The following MAN1B1 variants were observed in gnomAD, a reference collection of about 807,000 sequenced individuals.
MAN1B1 encodes mannosidase alpha class 1B member 1, also known as endoplasmic reticulum mannosyl-oligosaccharide 1,2-alpha-mannosidase.
MAN1B1 carries 66 observed loss-of-function variants against 75.5 expected under a neutral mutation model. That is an observed-to-expected ratio of 0.87 (90% CI 0.72 to 1.07). The LOEUF is 1.07. Among genes scored for constraint, MAN1B1 ranks in the 50% least tolerant of loss-of-function variants. MAN1B1 has a pLI of 0.00. For missense variants in MAN1B1, 973 were observed against 912.5 expected, an observed-to-expected ratio of 1.07 and a Z score of -0.85; for synonymous variants, 453 against 382.8, an observed-to-expected ratio of 1.18 and a Z score of -2.14.
intron 1 of MAN1B1, chr9:137,087,598 C>T (rs1185398967): frequency 2.1e-6 from 1 of 471,604 alleles, no homozygotes; most frequent in Non-Finnish European, 4.0e-6. Context: ...TCTTGATTGG[C>T]TCCTGGTCTG....
At position 137,107,422 on chromosome 9, in the gene MAN1B1, C is replaced by T. The variant is rs200676067; in HGVS notation, c.1739C>T (p.Pro580Leu). ...GTGCACTTCAACCTTTACCCCCAGCCGGGCCGTCGGGACGTGGAGGTCAAG... is the reference window on the plus strand; with the variant it reads ...GTGCACTTCAACCTTTACCCCCAGCTGGGCCGTCGGGACGTGGAGGTCAAG... ...EIVHFNLYPQ[P>L]GRRDVEVKPA... The change falls in exon 11 of 13, where the codon CCG becomes CTG. Residue 580 changes from proline to leucine, a missense_variant. Coordinates refer to ENST00000371589, the MANE Select transcript of MAN1B1 (RefSeq NM_016219.5). The T allele has an allele frequency of 7.9e-5, 128 of 1,613,316 alleles. No individual in the cohort carries two copies. The highest frequency in any genetic ancestry group is 1.6e-4 in the Middle Eastern group (1 of 6,084).
intron 7 of MAN1B1, 67 bp from the exon 8 acceptor site, chr9:137,101,417 A>C: frequency 6.8e-7 from 1 of 1,473,282 alleles, no homozygotes; most frequent in Non-Finnish European, 9.5e-7. Flanking sequence ...ACTGAACTGC[A>C]TGAAAGGGTG....
intron 5 of MAN1B1, among the ~76,000 whole-genome samples, chr9:137,098,977 C>A (rs1161225548): frequency 1.3e-5 from 2 of 152,272 alleles, no homozygotes; most frequent in Non-Finnish European, 1.5e-5. Flanking sequence ...TTATAGGCAC[C>A]CGCCACCACA....
At chr9:137,089,449 C>T (rs1158069440) in intron 3 of MAN1B1, among the ~76,000 whole-genome samples, 1 of 152,188 alleles carries the variant, frequency 6.6e-6, no homozygotes, top group East Asian at 1.9e-4. Flanking sequence ...AAGCTGCTGG[C>T]ACCGGGCAAG....
intron 8 of MAN1B1, chr9:137,102,611 C>T (rs1351253815): frequency 2.3e-5 from 10 of 434,134 alleles, no homozygotes; most frequent in East Asian, 7.3e-5. Flanking sequence ...CTGTTGCAAG[C>T]GTGCAGGTCG....
intron 8 of MAN1B1, chr9:137,104,225 G>A (rs11145995): frequency 0.29 from 104,766 of 365,596 alleles, 17,376 homozygotes; most frequent in Non-Finnish European, 0.36. Flanking sequence ...AGTCACACAC[G>A]ATTTGTCCTT....
At position 137,097,839 on chromosome 9, in the gene MAN1B1, C is replaced by G; in HGVS notation, c.632C>G (p.Ala211Gly). 1 of 1,554,258 alleles carries G rather than the reference C, an allele frequency of 6.4e-7. No individual in the cohort carries two copies. The highest frequency in any genetic ancestry group is 8.7e-7 in the Non-Finnish European group (1 of 1,149,034). Residue 211 changes from alanine (A) to glycine (G), a missense_variant, in exon 5 of 13, where the codon GCG becomes GGG. Ala to Gly is a moderately conservative substitution (Grantham distance 60). Transcript: ENST00000371589. ...CTTCTCCCCCGAAGCTGGAGGGGAGCGGTGATCGAGCCTGAGCAGGGCACC... is the reference window on the plus strand; with the variant it reads ...CTTCTCCCCCGAAGCTGGAGGGGAGGGGTGATCGAGCCTGAGCAGGGCACC... Reference protein sequence around the residue: ...PQRTVISWRGAVIEPEQGTEL... With the variant: ...PQRTVISWRGGVIEPEQGTEL...
At position 137,106,303 on chromosome 9, in the gene MAN1B1, A is replaced by G. The variant is rs138658585; in HGVS notation, c.1433A>G (p.Lys478Arg). 2.4e-3 allele frequency: 3,723 copies of G among 1,552,362 alleles called. 7 individuals carry two copies. The highest frequency in any genetic ancestry group is 2.5e-3 in the Non-Finnish European group (2,824 of 1,148,730). ...YLLKQWIQGG[K>R]QETQLLEDYV... is the part of the protein sequence containing the mutation. ...CTGAAGCAGTGGATCCAGGGCGGGA[A>G]GCAGGAGACACAGTGAGGCCCGGCC... The change falls in exon 9 of 13, where the codon AAG (lysine) becomes AGG (arginine). Residue 478 changes from lysine to arginine, a missense_variant. Lys to Arg is a conservative substitution (Grantham distance 26, BLOSUM62 2). Coordinates refer to ENST00000371589, the MANE Select transcript of MAN1B1 (RefSeq NM_016219.5).
chr9:137,092,607 C>T (rs1391969373), intron 3 of MAN1B1, among the ~76,000 whole-genome samples: 3 of 152,308 alleles, frequency 2.0e-5, no homozygotes, highest in Admixed American at 6.5e-5. Context: ...CCATTACATC[C>T]GTTGTACGTA....
chr9:137,104,045 A>G (rs1359366299), intron 8 of MAN1B1: 1 of 457,352 alleles, frequency 2.2e-6, no homozygotes, highest in Non-Finnish European at 4.4e-6. Flanking sequence ...GGTGTTACAC[A>G]CATTCATGCT....
intron 8 of MAN1B1, chr9:137,102,876 T>TTA (rs1830911517): frequency 2.6e-6 from 1 of 385,078 alleles, no homozygotes; most frequent in South Asian, 1.7e-5. Flanking sequence ...GGTGTTACAT[T>TTA]CATGCTGTTG....
intron 2 of MAN1B1, 185 bp downstream of exon 2, chr9:137,088,368 A>G (rs747887129): frequency 1.3e-6 from 2 of 1,589,428 alleles, no homozygotes; most frequent in Admixed American, 3.4e-5. Context: ...TGTTAATTTG[A>G]TGCTGTCTGA....
intron 3 of MAN1B1, among the ~76,000 whole-genome samples, chr9:137,090,624 C>T (rs1005304669): frequency 2.0e-5 from 3 of 152,038 alleles, no homozygotes; most frequent in South Asian, 2.1e-4. Flanking sequence ...ACTGCAACCT[C>T]CGCCTCCCGG....
intron 7 of MAN1B1, 21 bp downstream of exon 7, chr9:137,101,174 T>A: frequency 1.2e-6 from 2 of 1,613,138 alleles, no homozygotes; most frequent in Non-Finnish European, 1.7e-6. Context: ...TGGGGTGTCC[T>A]GCAGGGAGAT....
At chr9:137,101,361 C>A in intron 7 of MAN1B1, 123 bp from the exon 8 acceptor site, 1 of 1,125,782 alleles carries the variant, frequency 8.9e-7, no homozygotes, top group East Asian at 2.4e-5. Context: ...GAGTGATGCC[C>A]GTTTCCTTGC....
chr9:137,088,250 G>A (rs1297292775), intron 2 of MAN1B1, 67 bp downstream of exon 2: 11 of 1,613,516 alleles, frequency 6.8e-6, no homozygotes, highest in African/African-American at 2.7e-5. Flanking sequence ...AAGCAATCTT[G>A]CATTCTACCT....
Position 137,087,122 on chromosome 9 carries a change from G to A in MAN1B1, c.123G>A (p.Pro41=), listed in dbSNP as rs1360542459. ...CCACTGTAGTCATGTACCCACCGCCGCCGCCGCCGCCTCATCGGGACTTCA... is the reference window on the plus strand; with the variant it reads ...CCACTGTAGTCATGTACCCACCGCCACCGCCGCCGCCTCATCGGGACTTCA... The part of the protein sequence containing the change: ...VATTVVMYPP[P]PPPPHRDFIS... The change falls in exon 1 of 13, where the codon CCG becomes CCA. Residue 41 remains proline (P), a synonymous_variant. Transcript: ENST00000371589. 2 of 1,591,396 alleles carry A rather than the reference G, an allele frequency of 1.3e-6. No homozygotes were observed. The highest frequency in any genetic ancestry group is 1.8e-5 in the Admixed American group (1 of 56,362).
chr9:137,106,956 G>A (rs1831132332), intron 10 of MAN1B1, 147 bp downstream of exon 10: 2 of 1,207,438 alleles, frequency 1.7e-6, no homozygotes, highest in East Asian at 2.5e-5. Flanking sequence ...GGCCAGGCCT[G>A]TCTTGGCAAC....
At chr9:137,106,843 C>G in intron 10 of MAN1B1, 34 bp downstream of exon 10, 1 of 1,609,400 alleles carries the variant, frequency 6.2e-7, no homozygotes, top group Non-Finnish European at 8.5e-7. Context: ...CGGCCGCCGC[C>G]CCTTTTACCT....
Sources: allele counts gnomAD v4.1 joint callset (sites outside exome capture counted in the v4.1 genomes callset), GRCh38; gene constraint gnomAD v4.1.1; transcripts MANE v1.5; gene names NCBI Gene and HGNC (gene_info 2026-07-23, HGNC 2026-07-21).